The following GRIA1 variants were observed in gnomAD, a reference collection of about 807,000 sequenced individuals.
GRIA1 encodes glutamate ionotropic receptor AMPA type subunit 1, also known as glutamate receptor 1.
In GRIA1, 31 loss-of-function variants were observed where a neutral mutation model predicts 99.2. The observed-to-expected ratio is 0.31, with a 90% CI of 0.23 to 0.42. The LOEUF (loss-of-function observed/expected upper bound fraction) is 0.42, where lower values mean the gene tolerates loss of function less well. Among genes scored for constraint, GRIA1 ranks in the 10% least tolerant of loss-of-function variants. GRIA1 has a pLI of 1.00. For missense variants in GRIA1, 782 were observed against 1,157.5 expected (o/e 0.68, Z 4.71); for synonymous variants, 438 against 432.4 (o/e 1.01, Z -0.16).
At chr5:153,514,217 T>A (rs940701513) in intron 2 of GRIA1, among the ~76,000 whole-genome samples, 1 of 152,256 alleles carries the variant, frequency 6.6e-6, no homozygotes. Context: ...TACAAGATTG[T>A]CTTTTGTTGT....
rs1759300533 is a variant in GRIA1, at chr5:153,711,274, A to G, written c.1823+5207A>G. Among the ~76,000 whole-genome samples, 3 of 152,314 alleles carry G rather than the reference A, an allele frequency of 2.0e-5. No homozygotes were observed. In the South Asian group the frequency reaches 6.2e-4, roughly 32 times the overall value. ...CTATGAGGAAAATGAATTGCGGCAG[A>G]GAAGAGTCCAGAGTGGAAGCAGAGG... On this transcript the variant is annotated intron_variant, in intron 11 of 15. Coordinates refer to ENST00000285900, the MANE Select transcript of GRIA1 (RefSeq NM_000827.4).
intron 7 of GRIA1, among the ~76,000 whole-genome samples, chr5:153,684,724 A>G (rs1338018192): frequency 6.6e-6 from 1 of 152,220 alleles, no homozygotes; most frequent in East Asian, 1.9e-4. Context: ...TTGCTGATGG[A>G]CTGGAATTGC....
chr5:153,591,038 A>T (rs1420368908), intron 2 of GRIA1, among the ~76,000 whole-genome samples: 2 of 152,138 alleles, frequency 1.3e-5, no homozygotes, highest in Non-Finnish European at 2.9e-5. Flanking sequence ...TTCCTTCTTG[A>T]CCCAGTCCTA....
At chr5:153,752,979 G>A (rs1056251856) in intron 11 of GRIA1, among the ~76,000 whole-genome samples, 9 of 152,166 alleles carry the variant, frequency 5.9e-5, no homozygotes, top group Admixed American at 6.5e-5. Context: ...GATGGAGGAA[G>A]TCAAGTGATG....
chr5:153,674,462 C>A, intron 5 of GRIA1, 38 bp from the exon 6 acceptor site: 1 of 1,610,186 alleles, frequency 6.2e-7, no homozygotes. Context: ...TTTATCCAGG[C>A]AGCATGTTCT....
intron 3 of GRIA1, among the ~76,000 whole-genome samples, chr5:153,647,990 T>A (rs1754283429): frequency 6.6e-6 from 1 of 152,196 alleles, no homozygotes; most frequent in African/African-American, 2.4e-5. Context: ...ACCTTCTCAT[T>A]GTATACTAAA....
At chr5:153,617,796 C>T (rs1303124906) in intron 2 of GRIA1, among the ~76,000 whole-genome samples, 1 of 152,144 alleles carries the variant, frequency 6.6e-6, no homozygotes, top group Non-Finnish European at 1.5e-5. Context: ...CTCCTCTCTA[C>T]CTTCTTTCCC....
At chr5:153,628,367 A>G (rs1442160100) in intron 2 of GRIA1, among the ~76,000 whole-genome samples, 2 of 152,130 alleles carry the variant, frequency 1.3e-5, no homozygotes, top group Non-Finnish European at 2.9e-5. Context: ...CCTGGCTTTG[A>G]TTTCTGTGTC....
At chr5:153,656,901 T>G (rs1451019206) in intron 5 of GRIA1, among the ~76,000 whole-genome samples, 1 of 152,168 alleles carries the variant, frequency 6.6e-6, no homozygotes, top group Admixed American at 6.6e-5. Context: ...TAATTTACTT[T>G]CTATCCGTAT....
chr5:153,680,487 C>A (rs562990206), intron 7 of GRIA1, among the ~76,000 whole-genome samples: 4 of 152,248 alleles, frequency 2.6e-5, no homozygotes, highest in Non-Finnish European at 4.4e-5. Flanking sequence ...TCTGTAGATT[C>A]TTTTGCTTAG....
At chr5:153,568,462 A>G (rs574045767) in intron 2 of GRIA1, among the ~76,000 whole-genome samples, 2 of 152,328 alleles carry the variant, frequency 1.3e-5, no homozygotes, top group East Asian at 1.9e-4. Context: ...TAGTTTATCA[A>G]AATATCATCA....
chr5:153,712,911 T>C (rs984490787), intron 11 of GRIA1, among the ~76,000 whole-genome samples: 1 of 152,152 alleles, frequency 6.6e-6, no homozygotes, highest in Non-Finnish European at 1.5e-5. Context: ...AACTCTGCAG[T>C]TGGAGAGAAA....
At chr5:153,607,827 A>T (rs1228554590) in intron 2 of GRIA1, among the ~76,000 whole-genome samples, 1 of 152,096 alleles carries the variant, frequency 6.6e-6, no homozygotes, top group African/African-American at 2.4e-5. Context: ...TTCAGTCAGC[A>T]TTATTTATAT....
At chr5:153,609,740 T>G (rs36016760) in intron 2 of GRIA1, among the ~76,000 whole-genome samples, 7,364 of 151,848 alleles carry the variant, frequency 0.048, 204 homozygotes, top group Middle Eastern at 0.082. Flanking sequence ...TTTTTGTATT[T>G]TTAGTAGAGA....
intron 3 of GRIA1, 76 bp downstream of exon 3, chr5:153,647,243 C>A: frequency 6.8e-7 from 1 of 1,477,294 alleles, no homozygotes; most frequent in Non-Finnish European, 9.2e-7. Context: ...AATGATGCCT[C>A]ACTGCTTCCC....
chr5:153,565,573 GCCC>G (rs1581238623), intron 2 of GRIA1, among the ~76,000 whole-genome samples: 1 of 152,020 alleles, frequency 6.6e-6, no homozygotes, highest in East Asian at 1.9e-4. Flanking sequence ...TGCAAAAGTA[GCCC>G]AGTACCCATT....
At chr5:153,712,278 C>G (rs1272626008) in intron 11 of GRIA1, among the ~76,000 whole-genome samples, 2 of 152,122 alleles carry the variant, frequency 1.3e-5, no homozygotes, top group African/African-American at 4.8e-5. Flanking sequence ...TCTTGAACTC[C>G]TGACCTTGCG....
intron 2 of GRIA1, among the ~76,000 whole-genome samples, chr5:153,586,650 G>C (rs1379617404): frequency 1.3e-5 from 2 of 152,206 alleles, no homozygotes; most frequent in African/African-American, 4.8e-5. Flanking sequence ...CTCGGTGAGT[G>C]AGAACCAGGA....
chr5:153,528,506 A>G (rs998878348), intron 2 of GRIA1, among the ~76,000 whole-genome samples: 1 of 152,172 alleles, frequency 6.6e-6, no homozygotes, highest in African/African-American at 2.4e-5. Context: ...ACAGCTTGCA[A>G]GGCCAACCCC....
Sources: allele counts gnomAD v4.1 joint callset (sites outside exome capture counted in the v4.1 genomes callset), GRCh38; gene constraint gnomAD v4.1.1; transcripts MANE v1.5; gene names NCBI Gene and HGNC (gene_info 2026-07-23, HGNC 2026-07-21).